CPNE4: variants seen among roughly 807,000 people sequenced by gnomAD.
CPNE4 encodes copine-4.
A neutral mutation model predicts 67.9 loss-of-function variants in CPNE4; 25 were observed. The ratio of observed to expected loss-of-function variants is 0.37; its 90% CI spans 0.27 to 0.51. The LOEUF is 0.51. Ranked by LOEUF, CPNE4 falls within the 20% of genes least tolerant of loss-of-function variation. The pLI is 0.93. For synonymous variants in CPNE4, 242 were observed against 244.9 expected, an observed-to-expected ratio of 0.99 and a Z score of 0.11; for missense variants, 464 against 690.8, an observed-to-expected ratio of 0.67 and a Z score of 3.68.
chr3:131,619,035 G>A (rs112573328), intron 7 of CPNE4, among the ~76,000 whole-genome samples: 2 of 152,292 alleles, frequency 1.3e-5, no homozygotes, highest in Admixed American at 6.5e-5. Flanking sequence ...GTTGCCCATA[G>A]AGTAGGAGGA....
chr3:131,630,576 C>T (rs2079194884), intron 7 of CPNE4, among the ~76,000 whole-genome samples: 1 of 152,260 alleles, frequency 6.6e-6, no homozygotes, highest in Non-Finnish European at 1.5e-5. Context: ...ACATATGTGG[C>T]TATTTAAATT....
intron 1 of CPNE4, among the ~76,000 whole-genome samples, chr3:131,971,175 T>A (rs2072491442): frequency 6.6e-6 from 1 of 152,090 alleles, no homozygotes; most frequent in Non-Finnish European, 1.5e-5. Context: ...TTAACTGGAG[T>A]GCTGACACGG....
At chr3:131,786,021 T>C (rs2083553049) in intron 2 of CPNE4, among the ~76,000 whole-genome samples, 2 of 152,148 alleles carry the variant, frequency 1.3e-5, no homozygotes, top group South Asian at 4.1e-4. Context: ...CTTCCATATC[T>C]ATGGAGGGGC....
chr3:131,977,035 C>T (rs937631927), intron 1 of CPNE4, among the ~76,000 whole-genome samples: 15 of 151,970 alleles, frequency 9.9e-5, no homozygotes, highest in Non-Finnish European at 1.0e-4. Context: ...CTCCTGACCT[C>T]GTGATCTGCC....
chr3:131,847,572 A>T (rs2086053268), intron 2 of CPNE4, among the ~76,000 whole-genome samples: 2 of 152,156 alleles, frequency 1.3e-5, no homozygotes, highest in African/African-American at 4.8e-5. Context: ...ATTAGGTATT[A>T]AAAATGCCAA....
chr3:131,893,229 CAAAG>C (rs146311017), intron 2 of CPNE4, among the ~76,000 whole-genome samples: 8,029 of 151,740 alleles, frequency 0.053, 372 homozygotes, highest in African/African-American at 0.13. Flanking sequence ...TAAAAAGAGA[CAAAG>C]AAGAGCGTTA....
chr3:131,933,715 A>T (rs2071136136), intron 1 of CPNE4, among the ~76,000 whole-genome samples: 2 of 151,974 alleles, frequency 1.3e-5, no homozygotes, highest in Admixed American at 1.3e-4. Context: ...AAAGAAGGAA[A>T]TTCTGTCATT....
intron 11 of CPNE4, among the ~76,000 whole-genome samples, chr3:131,559,604 GAAACTAA>G (rs1337444221): frequency 2.0e-5 from 3 of 151,808 alleles, no homozygotes; most frequent in Non-Finnish European, 2.9e-5. Context: ...GAAATTTTTA[GAAACTAA>G]AAAGTTTTAA....
chr3:131,774,217 A>C (rs754448134), intron 2 of CPNE4, among the ~76,000 whole-genome samples: 2 of 151,926 alleles, frequency 1.3e-5, no homozygotes, highest in South Asian at 4.2e-4. Context: ...AAAACCCCAA[A>C]TGGCCTTTTG....
At chr3:131,635,320 C>T (rs1014219109) in intron 7 of CPNE4, among the ~76,000 whole-genome samples, 4 of 152,022 alleles carry the variant, frequency 2.6e-5, no homozygotes, top group Admixed American at 6.5e-5. Context: ...CTAAAAGTGC[C>T]CTACTAATGT....
chr3:131,840,915 C>T (rs2085754179), intron 2 of CPNE4, among the ~76,000 whole-genome samples: 1 of 152,146 alleles, frequency 6.6e-6, no homozygotes, highest in Non-Finnish European at 1.5e-5. Flanking sequence ...CTTTCCTTCT[C>T]TTTCTGCTCT....
intron 1 of CPNE4, among the ~76,000 whole-genome samples, chr3:132,002,849 T>C (rs2073491868): frequency 6.6e-6 from 1 of 152,124 alleles, no homozygotes; most frequent in South Asian, 2.1e-4. Context: ...TTGCCAAGCC[T>C]ATCCCTTCTG....
At chr3:131,663,255 G>GA (rs1486595163) in intron 7 of CPNE4, among the ~76,000 whole-genome samples, 1 of 150,876 alleles carries the variant, frequency 6.6e-6, no homozygotes, top group Non-Finnish European at 1.5e-5. Context: ...AGTCGGAGTG[G>GA]AAAAATGAGA....
intron 2 of CPNE4, among the ~76,000 whole-genome samples, chr3:131,862,304 T>C (rs1469574065): frequency 1.3e-5 from 2 of 152,186 alleles, no homozygotes; most frequent in Non-Finnish European, 2.9e-5. Flanking sequence ...TGACTCCACC[T>C]TCTTCCTCGC....
intron 1 of CPNE4, among the ~76,000 whole-genome samples, chr3:131,909,486 A>T (rs1216793732): frequency 3.3e-5 from 5 of 152,198 alleles, no homozygotes; most frequent in Admixed American, 3.3e-4. Flanking sequence ...TTGTTACAAC[A>T]GTTTTGGTTC....
chr3:131,736,241 A>G (rs2082231698), intron 2 of CPNE4, among the ~76,000 whole-genome samples: 1 of 152,172 alleles, frequency 6.6e-6, no homozygotes, highest in Non-Finnish European at 1.5e-5. Flanking sequence ...CTATTTTCAT[A>G]TATATCACTT....
At chr3:131,590,184 G>A (rs994272656) in intron 7 of CPNE4, among the ~76,000 whole-genome samples, 4 of 152,136 alleles carry the variant, frequency 2.6e-5, no homozygotes, top group Non-Finnish European at 5.9e-5. Context: ...TATGCTGATG[G>A]TGACTTGGAG....
chr3:131,985,089 G>C (rs1044859098), intron 1 of CPNE4, among the ~76,000 whole-genome samples: 1 of 152,150 alleles, frequency 6.6e-6, no homozygotes, highest in African/African-American at 2.4e-5. Context: ...AGCATTGTGA[G>C]GGCTCCCTTC....
chr3:131,568,170 TTAAG>T (rs762527832), intron 10 of CPNE4, among the ~76,000 whole-genome samples: 173 of 152,146 alleles, frequency 1.1e-3, no homozygotes, highest in Admixed American at 3.1e-3. Flanking sequence ...ATGGACAGTC[TTAAG>T]TAAGAGTCAG....
Sources: allele counts gnomAD v4.1 joint callset (sites outside exome capture counted in the v4.1 genomes callset), GRCh38; gene constraint gnomAD v4.1.1; transcripts MANE v1.5; gene names NCBI Gene and HGNC (gene_info 2026-07-23, HGNC 2026-07-21).